CLYBL: variants seen among roughly 807,000 people sequenced by gnomAD.
CLYBL encodes citramalyl-CoA lyase, also known as citramalyl-CoA lyase, mitochondrial.
A neutral mutation model predicts 38.9 loss-of-function variants in CLYBL; 31 were observed. The observed-to-expected ratio is 0.80, with a 90% CI of 0.60 to 1.08. CLYBL has a LOEUF of 1.08. Ranked by LOEUF, CLYBL falls within the 50% of genes least tolerant of loss-of-function variation. The probability of loss-of-function intolerance (pLI) is 0.00; values close to 1 mark genes in which losing one functional copy is unlikely to be tolerated. For synonymous variants in CLYBL, 171 were observed against 158.6 expected, an observed-to-expected ratio of 1.08 and a Z score of -0.59; for missense variants, 434 against 411.6, an observed-to-expected ratio of 1.05 and a Z score of -0.47.
chr13:99,681,888 C>T (rs1421228069), intron 1 of CLYBL, among the ~76,000 whole-genome samples: 1 of 152,116 alleles, frequency 6.6e-6, no homozygotes, highest in African/African-American at 2.4e-5. Flanking sequence ...TCCCTGCCTC[C>T]TTGCATCTTT....
At chr13:99,652,763 G>T (rs1382327508) in intron 1 of CLYBL, among the ~76,000 whole-genome samples, 1 of 152,222 alleles carries the variant, frequency 6.6e-6, no homozygotes, top group Admixed American at 6.5e-5. Context: ...CCACTCAGAG[G>T]CCTCCACATA....
intron 1 of CLYBL, among the ~76,000 whole-genome samples, chr13:99,666,392 C>T (rs543390062): frequency 1.3e-5 from 2 of 152,140 alleles, no homozygotes; most frequent in African/African-American, 2.4e-5. Flanking sequence ...TGGGTGTGCC[C>T]CAGGAGCAGA....
chr13:99,875,245 C>T (rs2052007403), intron 7 of CLYBL, among the ~76,000 whole-genome samples: 3 of 152,176 alleles, frequency 2.0e-5, no homozygotes. Flanking sequence ...TCTCATTTCA[C>T]TCAGGAGAGA....
chr13:99,883,387 C>T (rs190383798), intron 7 of CLYBL, among the ~76,000 whole-genome samples: 2 of 151,872 alleles, frequency 1.3e-5, no homozygotes, highest in African/African-American at 2.4e-5. Context: ...GGTGTGGTGG[C>T]GAGCGCCTGA....
At chr13:99,804,428 C>T (rs894788957) in intron 2 of CLYBL, among the ~76,000 whole-genome samples, 2 of 152,158 alleles carry the variant, frequency 1.3e-5, no homozygotes, top group Non-Finnish European at 2.9e-5. Context: ...CTCTTGTTGG[C>T]CACTATAAGC....
chr13:99,661,547 C>A (rs1210375793), intron 1 of CLYBL, among the ~76,000 whole-genome samples: 2 of 151,984 alleles, frequency 1.3e-5, no homozygotes, highest in Non-Finnish European at 2.9e-5. Context: ...GGAAGTGATT[C>A]CATTTTAATA....
At position 99,808,030 on chromosome 13, in the gene CLYBL, T is replaced by C. The variant is rs144996644; in HGVS notation, c.249+35020T>C. Among the ~76,000 whole-genome samples, 1,434 of 152,284 alleles carry C rather than the reference T, an allele frequency of 9.4e-3. 29 individuals are homozygous for C. Among genetic ancestry groups the C allele is most frequent in the African/African-American group, 0.033 (1,352 of 41,564 alleles). On this transcript the variant is annotated intron_variant, in intron 2 of 8. Transcript: ENST00000339105. ...ATGAACCTGAAGTTCCCTGTGGTCA[T>C]GGCAACCTTGGGAAGGTTCAGGATC...
intron 2 of CLYBL, among the ~76,000 whole-genome samples, chr13:99,809,800 A>G (rs1412191282): frequency 6.6e-6 from 1 of 152,196 alleles, no homozygotes; most frequent in Non-Finnish European, 1.5e-5. Context: ...CCAATGTGAC[A>G]TGTTCCTCTT....
chr13:99,904,305 C>T lies in CLYBL; in HGVS notation c.*25-965C>T, dbSNP rs7317993. ...GACAGAACTCCCAGACCTCGAAAGG[C>T]GAAATGTGGCCCCTTCCATTTGCAG... On this transcript the variant is annotated intron_variant and NMD_transcript_variant, in intron 8 of 9. Coordinates refer to the CLYBL transcript ENST00000689673. Among the ~76,000 whole-genome samples, 1,245 of 152,270 alleles carry T rather than the reference C, an allele frequency of 8.2e-3. 19 individuals carry two copies. Among genetic ancestry groups the T allele is most frequent in the African/African-American group, 0.028 (1,151 of 41,556 alleles).
chr13:99,846,706 G>A (rs1336296066), intron 2 of CLYBL, among the ~76,000 whole-genome samples: 1 of 152,210 alleles, frequency 6.6e-6, no homozygotes, highest in African/African-American at 2.4e-5. Context: ...TTAGTTGCAA[G>A]GCTATGTGTG....
chr13:99,889,784 C>T (rs2052441576), intron 7 of CLYBL, among the ~76,000 whole-genome samples: 2 of 152,196 alleles, frequency 1.3e-5, no homozygotes. Flanking sequence ...GTTACTACCT[C>T]TCAGCCCTCA....
chr13:99,663,814 C>G (rs142120192), intron 1 of CLYBL, among the ~76,000 whole-genome samples: 1 of 152,286 alleles, frequency 6.6e-6, no homozygotes, highest in Non-Finnish European at 1.5e-5. Context: ...TACTCCTGCT[C>G]TCCTGGAGCT....
intron 1 of CLYBL, among the ~76,000 whole-genome samples, chr13:99,617,304 A>G (rs2139191172): frequency 6.6e-6 from 1 of 152,034 alleles, no homozygotes; most frequent in South Asian, 2.1e-4. Context: ...TTTTTTCCTA[A>G]TAAGGGCCTC....
chr13:99,885,019 C>T (rs1283965090), intron 7 of CLYBL: 15 of 511,610 alleles, frequency 2.9e-5, no homozygotes, highest in South Asian at 2.2e-4. Flanking sequence ...TCAGCCTTTT[C>T]CATCATCACC....
chr13:99,651,875 T>C (rs570609389), intron 1 of CLYBL, among the ~76,000 whole-genome samples: 22 of 152,152 alleles, frequency 1.4e-4, no homozygotes, highest in African/African-American at 5.3e-4. Context: ...GAGGTTGCAG[T>C]GAGCCGAGAT....
At chr13:99,894,074 G>A (rs528256901), downstream of CLYBL, 7 of 152,300 alleles carry the variant, frequency 4.6e-5, no homozygotes, top group African/African-American at 1.7e-4. Flanking sequence ...CCCAAACGAC[G>A]AGGGTCCCAG....
In CLYBL at chr13:99,689,354, A is replaced by G. The variant is rs373258468; in HGVS notation, c.62+82597A>G. Among the ~76,000 whole-genome samples, 12 of 152,358 alleles carry G rather than the reference A, an allele frequency of 7.9e-5. No individual in the cohort carries two copies. In the South Asian group the frequency reaches 1.2e-3, roughly 16 times the overall value. On this transcript the variant is annotated intron_variant, in intron 1 of 8. Transcript: ENST00000339105. ...CATATACCAGTTGTAGGATGTTTTG[A>G]ACTATATTCTTGCAATCACAGACAG...
chr13:99,628,567 A>G (rs925176182), intron 1 of CLYBL, among the ~76,000 whole-genome samples: 3 of 152,164 alleles, frequency 2.0e-5, no homozygotes, highest in African/African-American at 7.2e-5. Context: ...TTTATGTGAA[A>G]CCATTAGCAG....
intron 7 of CLYBL, among the ~76,000 whole-genome samples, chr13:99,876,683 C>T (rs1363780478): frequency 6.6e-6 from 1 of 152,118 alleles, no homozygotes; most frequent in Non-Finnish European, 1.5e-5. Flanking sequence ...CCCAGCAAGG[C>T]TTCAGAAGCT....
Sources: gnomAD v4.1 joint callset for allele counts (sites outside exome capture counted in the v4.1 genomes callset) on GRCh38, gnomAD v4.1.1 for gene constraint, MANE v1.5 for transcripts, NCBI Gene and HGNC (gene_info 2026-07-23, HGNC 2026-07-21) for gene names.